KSR2: variants seen among roughly 807,000 people sequenced by gnomAD.
The protein encoded by KSR2 is kinase suppressor of ras 2.
In KSR2, 25 loss-of-function variants were observed where a neutral mutation model predicts 107.8. The ratio of observed to expected loss-of-function variants is 0.23; its 90% CI spans 0.17 to 0.32. The LOEUF is 0.32. Ranked by LOEUF, KSR2 falls within the 10% of genes least tolerant of loss-of-function variation. The probability of loss-of-function intolerance (pLI) is 1.00; values close to 1 mark genes in which losing one functional copy is unlikely to be tolerated. For synonymous variants in KSR2, 480 were observed against 507.0 expected (o/e 0.95, Z 0.71); for missense variants, 887 against 1,268.9 (o/e 0.70, Z 4.57).
chr12:117,794,037 C>T (rs1441517934), intron 3 of KSR2, among the ~76,000 whole-genome samples: 8 of 98,494 alleles, frequency 8.1e-5, no homozygotes, highest in East Asian at 4.7e-4. Context: ...AACATGCACA[C>T]ACCAACATGC....
intron 4 of KSR2, among the ~76,000 whole-genome samples, chr12:117,725,002 G>C (rs1887360425): frequency 6.6e-6 from 1 of 151,396 alleles, no homozygotes. Context: ...AAAGAAAACT[G>C]GTTAACAAGA....
chr12:117,867,814 G>C (rs779551880), intron 1 of KSR2, among the ~76,000 whole-genome samples: 6 of 152,178 alleles, frequency 3.9e-5, no homozygotes, highest in Non-Finnish European at 8.8e-5. Flanking sequence ...AAATGCTTAT[G>C]TTATGTGCCA....
chr12:117,728,377 C>A (rs1029533315), intron 4 of KSR2, among the ~76,000 whole-genome samples: 2 of 152,236 alleles, frequency 1.3e-5, no homozygotes, highest in Admixed American at 6.5e-5. Context: ...TACACCTGTG[C>A]TCGCTATGGT....
intron 4 of KSR2, among the ~76,000 whole-genome samples, chr12:117,724,112 G>A (rs1887317325): frequency 6.6e-6 from 1 of 151,996 alleles, no homozygotes; most frequent in Non-Finnish European, 1.5e-5. Context: ...TTCGAGACCA[G>A]CCTGGCCAAC....
At chr12:117,876,475 G>A (rs1231735837) in intron 1 of KSR2, among the ~76,000 whole-genome samples, 11 of 152,156 alleles carry the variant, frequency 7.2e-5, no homozygotes, top group Non-Finnish European at 1.5e-4. Flanking sequence ...CCCCCTCTCC[G>A]CTGTCTCACT....
At chr12:117,610,827 G>A (rs1430046672) in intron 5 of KSR2, among the ~76,000 whole-genome samples, 1 of 151,276 alleles carries the variant, frequency 6.6e-6, no homozygotes, top group Non-Finnish European at 1.5e-5. Context: ...TAGGTAGGTA[G>A]AGACAGACAG....
chr12:117,742,296 C>A (rs865984423), intron 4 of KSR2, among the ~76,000 whole-genome samples: 1 of 152,192 alleles, frequency 6.6e-6, no homozygotes, highest in Non-Finnish European at 1.5e-5. Flanking sequence ...ATTGGGACAA[C>A]TGAAATCTAA....
chr12:117,471,436 C>T, intron 17 of KSR2, 116 bp from the exon 18 acceptor site: 1 of 1,117,902 alleles, frequency 8.9e-7, no homozygotes, highest in African/African-American at 1.6e-5. Context: ...CTTCTCCCCA[C>T]TTTCTTCCTC....
chr12:117,494,315 T>C (rs1872908494), intron 14 of KSR2, among the ~76,000 whole-genome samples: 2 of 152,280 alleles, frequency 1.3e-5, no homozygotes, highest in South Asian at 2.1e-4. Context: ...CTAGACCCCA[T>C]AGGTGTTTAA....
In KSR2 at chr12:117,455,649, A is replaced by G. The variant is rs1419949316; in HGVS notation, c.*11550T>C. On this transcript the variant is annotated 3_prime_UTR_variant, in exon 20 of 20. Coordinates refer to ENST00000339824, the MANE Select transcript of KSR2 (RefSeq NM_173598.6). ...CTTAACAAATATTTACTAAATGACTATATAAAATGAAGATTTGGGGAATGA... is the reference window on the plus strand; with the variant it reads ...CTTAACAAATATTTACTAAATGACTGTATAAAATGAAGATTTGGGGAATGA... The G allele has an allele frequency of 1.3e-5, 2 of 152,206 alleles. No homozygotes were observed. The highest frequency in any genetic ancestry group is 1.3e-4 in the Admixed American group (2 of 15,272). 9.4% of individuals were successfully genotyped at this position (152,206 alleles called of 1,614,324 possible).
intron 5 of KSR2, among the ~76,000 whole-genome samples, chr12:117,657,001 T>C (rs1172862106): frequency 1.6e-5 from 2 of 128,492 alleles, no homozygotes; most frequent in South Asian, 3.0e-4. Context: ...TATATATATA[T>C]ATATATATAT....
At chr12:117,472,607 T>C (rs1174160199) in intron 17 of KSR2, among the ~76,000 whole-genome samples, 1 of 152,216 alleles carries the variant, frequency 6.6e-6, no homozygotes, top group Non-Finnish European at 1.5e-5. Flanking sequence ...AATCAACTAT[T>C]GCTAGGGTTT....
chr12:117,532,107 G>A (rs745440062), intron 10 of KSR2, among the ~76,000 whole-genome samples: 3 of 152,142 alleles, frequency 2.0e-5, no homozygotes, highest in Non-Finnish European at 4.4e-5. Flanking sequence ...TGCTTTTTCT[G>A]TACTTTCCTA....
chr12:117,765,688 TG>T (rs1285716666), intron 3 of KSR2, among the ~76,000 whole-genome samples: 1 of 152,148 alleles, frequency 6.6e-6, no homozygotes, highest in African/African-American at 2.4e-5. Context: ...TTATCATATA[TG>T]TAGTGATAGT....
intron 3 of KSR2, among the ~76,000 whole-genome samples, chr12:117,805,571 T>G (rs1890980058): frequency 6.6e-6 from 1 of 152,258 alleles, no homozygotes; most frequent in Non-Finnish European, 1.5e-5. Flanking sequence ...GTGCTGGCTA[T>G]GCTTCAAAAT....
At chr12:117,817,265 T>C (rs942027508) in intron 3 of KSR2, among the ~76,000 whole-genome samples, 1 of 152,168 alleles carries the variant, frequency 6.6e-6, no homozygotes, top group African/African-American at 2.4e-5. Flanking sequence ...AGACCTACTG[T>C]CTATTTGCAT....
At chr12:117,820,139 T>C (rs1184545572) in intron 3 of KSR2, among the ~76,000 whole-genome samples, 2 of 152,222 alleles carry the variant, frequency 1.3e-5, no homozygotes, top group Admixed American at 1.3e-4. Context: ...AATGTTACTT[T>C]AAAACAATAA....
chr12:117,787,239 T>C (rs916872541), intron 3 of KSR2, among the ~76,000 whole-genome samples: 1 of 152,144 alleles, frequency 6.6e-6, no homozygotes, highest in Non-Finnish European at 1.5e-5. Context: ...TTTGGTCTTG[T>C]TCAGTCTTGG....
intron 1 of KSR2, among the ~76,000 whole-genome samples, chr12:117,877,369 C>G (rs980167112): frequency 2.0e-5 from 3 of 152,010 alleles, no homozygotes; most frequent in African/African-American, 7.2e-5. Context: ...GGACATTTTA[C>G]TTTTTAAATT....
Sources: gnomAD v4.1 joint callset for allele counts (sites outside exome capture counted in the v4.1 genomes callset) on GRCh38, gnomAD v4.1.1 for gene constraint, MANE v1.5 for transcripts, NCBI Gene and HGNC (gene_info 2026-07-23, HGNC 2026-07-21) for gene names.